Variants in GALNTL5 observed in about 807,000 individuals in gnomAD.
GALNTL5 encodes the protein inactive polypeptide N-acetylgalactosaminyltransferase-like protein 5.
Under a neutral mutation model 51.0 loss-of-function variants are expected in GALNTL5, and 44 were observed. That is an observed-to-expected ratio of 0.86 (90% CI 0.68 to 1.11). The LOEUF (loss-of-function observed/expected upper bound fraction) is 1.11. Ranked by LOEUF, GALNTL5 falls within the 50% of genes least tolerant of loss-of-function variation. The pLI is 0.00. For synonymous variants in GALNTL5, 192 were observed against 182.8 expected, an observed-to-expected ratio of 1.05 and a Z score of -0.41; for missense variants, 528 against 531.8, an observed-to-expected ratio of 0.99 and a Z score of 0.07.
intron 3 of GALNTL5, among the ~76,000 whole-genome samples, chr7:151,981,784 A>G (rs2081295189): frequency 6.6e-6 from 1 of 150,530 alleles, no homozygotes; most frequent in African/African-American, 2.4e-5. Context: ...AGTAGCTGGA[A>G]CTACGAGTGC....
chr7:151,990,576 A>G lies in GALNTL5; in HGVS notation c.658+3295A>G, dbSNP rs796986530. On this transcript the variant is annotated intron_variant, in intron 5 of 8. Transcript: ENST00000392800. ...AGCCTGGGCGACAGAGCGAGACTCC[A>G]TCTCAAAAAAAAAAAAGCCCACTTT... is the stretch of plus-strand genomic sequence containing the variant. Among the ~76,000 whole-genome samples, 353 of 142,464 alleles carry G rather than the reference A, an allele frequency of 2.5e-3. 8 individuals carry two copies. Among genetic ancestry groups the G allele is most frequent in the African/African-American group, 8.8e-3 (336 of 38,246 alleles). The allele number at this position is 142,464 out of a possible 152,430, so 93.5% of individuals were successfully genotyped here.
chr7:152,004,346 A>C (rs10234590), intron 6 of GALNTL5, among the ~76,000 whole-genome samples: 46,630 of 149,742 alleles, frequency 0.31, 8,071 homozygotes, highest in Non-Finnish European at 0.4. Context: ...TACATATTAC[A>C]TATATTATAA....
chr7:152,014,514 T>G (rs2081779967), intron 7 of GALNTL5, 130 bp from the exon 8 acceptor site: 1 of 779,352 alleles, frequency 1.3e-6, no homozygotes, highest in Non-Finnish European at 2.0e-6. Context: ...GTGATCTGAC[T>G]GCCTTGGCCT....
At chr7:151,964,340 T>G (rs934115351) in intron 1 of GALNTL5, among the ~76,000 whole-genome samples, 11 of 152,320 alleles carry the variant, frequency 7.2e-5, no homozygotes, top group African/African-American at 2.4e-4. Flanking sequence ...CATTCGATTC[T>G]GATATGGTTT....
intron 3 of GALNTL5, among the ~76,000 whole-genome samples, chr7:151,981,042 G>C (rs1166164194): frequency 6.6e-6 from 1 of 152,096 alleles, no homozygotes; most frequent in South Asian, 2.1e-4. Flanking sequence ...ACCGCGCCCG[G>C]CCACAATGAT....
chr7:152,003,936 A>G (rs1340799966), intron 6 of GALNTL5, among the ~76,000 whole-genome samples: 1 of 152,196 alleles, frequency 6.6e-6, no homozygotes, highest in African/African-American at 2.4e-5. Context: ...ATTCTAATAC[A>G]CTGCTCGTGT....
intron 1 of GALNTL5, among the ~76,000 whole-genome samples, chr7:151,959,819 C>T (rs1212407447): frequency 6.6e-6 from 1 of 152,166 alleles, no homozygotes; most frequent in Admixed American, 6.5e-5. Context: ...CACGTGTTGC[C>T]TTGCAAAGCA....
intron 4 of GALNTL5, among the ~76,000 whole-genome samples, chr7:151,984,564 G>T (rs1359755747): frequency 6.6e-6 from 1 of 152,162 alleles, no homozygotes; most frequent in Non-Finnish European, 1.5e-5. Context: ...TGTTGGCCAG[G>T]CACCTATCGT....
intron 3 of GALNTL5, among the ~76,000 whole-genome samples, chr7:151,972,653 CCAAAGTA>C (rs2081159612): frequency 6.6e-6 from 1 of 152,156 alleles, no homozygotes; most frequent in African/African-American, 2.4e-5. Flanking sequence ...CCAAAAGGGA[CCAAAGTA>C]CAACTAAGGC....
intron 2 of GALNTL5, 74 bp downstream of exon 2, chr7:151,967,567 T>G: frequency 1.5e-6 from 2 of 1,299,274 alleles, no homozygotes; most frequent in South Asian, 2.7e-5. Context: ...TTTGGAAGAG[T>G]ACGAGACTAT....
intron 5 of GALNTL5, among the ~76,000 whole-genome samples, chr7:152,000,899 TTTTTTTTCTTTC>T (rs1323985736): frequency 2.0e-5 from 3 of 147,896 alleles, no homozygotes; most frequent in African/African-American, 7.8e-5. Flanking sequence ...TTTTCTTTTC[TTTTTTTTCTTTC>T]TTTTTTTTTT....
At chr7:152,005,224 A>AAC (rs368754399) in intron 6 of GALNTL5, among the ~76,000 whole-genome samples, 2 of 64,604 alleles carry the variant, frequency 3.1e-5, no homozygotes, top group South Asian at 3.0e-4. Context: ...TGGAAAACTT[A>AAC]ACACACACAC....
rs948262684 is a variant in GALNTL5 at position 151,998,304 on chromosome 7, A to C, written c.659-4410A>C. 2.7e-5 allele frequency among the ~76,000 whole-genome samples: 4 copies of C among 150,938 alleles called. No individual in the cohort carries two copies. In the East Asian group the frequency reaches 7.9e-4, roughly 30 times the overall value. On this transcript the variant is annotated intron_variant, in intron 5 of 8. Coordinates refer to ENST00000392800, the MANE Select transcript of GALNTL5 (RefSeq NM_145292.4). The stretch of plus-strand genomic sequence containing the variant: ...CTGTTTTATGAATAAAGAAATTTCA[A>C]AGCTTAAAACCAATGGAAAAGGTGC...
chr7:151,989,111 T>C (rs574498677), intron 5 of GALNTL5, among the ~76,000 whole-genome samples: 1 of 152,288 alleles, frequency 6.6e-6, no homozygotes, highest in African/African-American at 2.4e-5. Flanking sequence ...TACTTCAGTT[T>C]TGAATTGCTG....
At chr7:151,957,372 C>T (rs2080938371) in intron 1 of GALNTL5, among the ~76,000 whole-genome samples, 1 of 116,092 alleles carries the variant, frequency 8.6e-6, no homozygotes, top group Admixed American at 1.0e-4. Flanking sequence ...AGCAAGACCT[C>T]ATCTCTATTT....
intron 6 of GALNTL5, among the ~76,000 whole-genome samples, chr7:152,007,480 A>G (rs571178318): frequency 4.4e-5 from 6 of 136,362 alleles, no homozygotes; most frequent in Non-Finnish European, 7.6e-5. Context: ...GTGCTGTGGC[A>G]CGATCTCAGC....
At chr7:151,999,319 C>G (rs1026505616) in intron 5 of GALNTL5, among the ~76,000 whole-genome samples, 1 of 152,224 alleles carries the variant, frequency 6.6e-6, no homozygotes, top group African/African-American at 2.4e-5. Context: ...GTCAACAGTA[C>G]TGCTGTGACC....
At chr7:151,998,627 C>T (rs1251563767) in intron 5 of GALNTL5, among the ~76,000 whole-genome samples, 1 of 152,074 alleles carries the variant, frequency 6.6e-6, no homozygotes, top group Non-Finnish European at 1.5e-5. Context: ...CAAAAATTAG[C>T]TGGACATGTT....
intron 4 of GALNTL5, 144 bp downstream of exon 4, chr7:151,983,296 G>T (rs2081318448): frequency 2.8e-6 from 2 of 703,950 alleles, no homozygotes; most frequent in Non-Finnish European, 5.0e-6. Context: ...TCCTGCCTCA[G>T]CCTCCCGTGC....
Sources: gnomAD v4.1 joint callset for allele counts (sites outside exome capture counted in the v4.1 genomes callset) on GRCh38, gnomAD v4.1.1 for gene constraint, MANE v1.5 for transcripts, NCBI Gene and HGNC (gene_info 2026-07-23, HGNC 2026-07-21) for gene names.